SLC25A26: variants seen among roughly 807,000 people sequenced by gnomAD.
SLC25A26 encodes the protein solute carrier family 25 member 26, also known as mitochondrial S-adenosylmethionine carrier protein.
Under a neutral mutation model 37.8 loss-of-function variants are expected in SLC25A26, and 36 were observed. That is an observed-to-expected ratio of 0.95 (90% confidence interval 0.73 to 1.26). The LOEUF (loss-of-function observed/expected upper bound fraction) is 1.26. Ranked by LOEUF, SLC25A26 falls within the 50% of genes most tolerant of loss-of-function variation. SLC25A26 has a pLI of 0.00. For synonymous variants in SLC25A26, 129 were observed against 122.5 expected (o/e 1.05, Z -0.35); for missense variants, 390 against 331.1 (o/e 1.18, Z -1.38).
intron 1 of SLC25A26, among the ~76,000 whole-genome samples, chr3:66,202,631 A>T (rs1034618013): frequency 1.7e-4 from 26 of 152,030 alleles, no homozygotes; most frequent in African/African-American, 5.8e-4. Context: ...ATTACTGGAG[A>T]CACTTGTTCA....
intron 5 of SLC25A26, among the ~76,000 whole-genome samples, chr3:66,309,733 A>G: frequency 6.6e-6 from 1 of 152,018 alleles, no homozygotes; most frequent in East Asian, 1.9e-4. Context: ...CGAAGAGCTT[A>G]TTTGTTTCTG....
intron 5 of SLC25A26, among the ~76,000 whole-genome samples, chr3:66,321,897 C>T (rs2107645193): frequency 6.6e-6 from 1 of 152,122 alleles, no homozygotes; most frequent in South Asian, 2.1e-4. Context: ...ATTACCTGTT[C>T]ATTATCCTGG....
upstream of SLC25A26, among the ~76,000 whole-genome samples, chr3:66,217,551 A>G (rs1404793143): frequency 6.6e-6 from 1 of 150,750 alleles, no homozygotes; most frequent in Non-Finnish European, 1.5e-5. Context: ...ATTTACATAT[A>G]CTTTTTTTTT....
intron 1 of SLC25A26, among the ~76,000 whole-genome samples, chr3:66,181,401 A>G (rs1463744622): frequency 6.6e-6 from 1 of 152,174 alleles, no homozygotes; most frequent in Non-Finnish European, 1.5e-5. Flanking sequence ...TATATCTGCA[A>G]GATTGTTGTG....
intron 5 of SLC25A26, among the ~76,000 whole-genome samples, chr3:66,284,320 G>T (rs934443323): frequency 6.6e-6 from 1 of 152,214 alleles, no homozygotes; most frequent in South Asian, 2.1e-4. Context: ...CTGTACTCCA[G>T]TCTGGGCAAT....
upstream of SLC25A26, chr3:66,220,909 C>T (rs1576648725): frequency 1.8e-5 from 12 of 660,524 alleles, no homozygotes; most frequent in Non-Finnish European, 3.2e-5. Context: ...AGGCCCCGCC[C>T]CTCCTCTCTG....
At chr3:66,297,046 G>T (rs958016976) in intron 5 of SLC25A26, among the ~76,000 whole-genome samples, 2 of 152,120 alleles carry the variant, frequency 1.3e-5, no homozygotes, top group Non-Finnish European at 2.9e-5. Context: ...GGCATTGAGC[G>T]AGGTGCGGTG....
chr3:66,152,809 A>G (rs1251180624), intron 1 of SLC25A26, among the ~76,000 whole-genome samples: 1 of 152,164 alleles, frequency 6.6e-6, no homozygotes, highest in Non-Finnish European at 1.5e-5. Flanking sequence ...AAGTAATCCC[A>G]TCTTGTGCCT....
chr3:66,304,385 C>G, intron 5 of SLC25A26: 1 of 454,780 alleles, frequency 2.2e-6, no homozygotes, highest in South Asian at 1.6e-5. Flanking sequence ...TAATATCTTC[C>G]CTTTTCTGTT....
intron 5 of SLC25A26, among the ~76,000 whole-genome samples, chr3:66,303,493 A>G (rs2075132678): frequency 6.6e-6 from 1 of 152,230 alleles, no homozygotes; most frequent in Non-Finnish European, 1.5e-5. Flanking sequence ...AGGTAAGATT[A>G]GGCTGTAAGT....
At chr3:66,294,328 C>G (rs192821295) in intron 5 of SLC25A26, among the ~76,000 whole-genome samples, 3 of 151,912 alleles carry the variant, frequency 2.0e-5, no homozygotes, top group Admixed American at 2.0e-4. Flanking sequence ...CTTGGCTTGC[C>G]GGTGTATAGG....
At chr3:66,345,464 C>T (rs908300780) in intron 5 of SLC25A26, among the ~76,000 whole-genome samples, 2 of 151,626 alleles carry the variant, frequency 1.3e-5, no homozygotes, top group East Asian at 1.9e-4. Flanking sequence ...TTCTCTGCCC[C>T]GTCTTCTGTC....
intron 6 of SLC25A26, among the ~76,000 whole-genome samples, chr3:66,362,501 C>T (rs1017444350): frequency 7.2e-5 from 11 of 152,024 alleles, no homozygotes; most frequent in African/African-American, 2.7e-4. Context: ...GATCAGATTG[C>T]TTGGGGGATA....
At chr3:66,213,047 T>A (rs1292353766) in intron 1 of SLC25A26, among the ~76,000 whole-genome samples, 1 of 152,130 alleles carries the variant, frequency 6.6e-6, no homozygotes, top group Non-Finnish European at 1.5e-5. Context: ...CTATCCTCCC[T>A]GGATAAAAGG....
chr3:66,209,898 T>TATATAAATA (rs2071256377), intron 1 of SLC25A26, among the ~76,000 whole-genome samples: 1 of 38,608 alleles, frequency 2.6e-5, no homozygotes, highest in Admixed American at 4.4e-4. Flanking sequence ...CTCTCTCTAT[T>TATATAAATA]TATATATATA....
chr3:66,166,579 A>C (rs145384816), intron 1 of SLC25A26, among the ~76,000 whole-genome samples: 1 of 152,362 alleles, frequency 6.6e-6, no homozygotes, highest in East Asian at 1.9e-4. Flanking sequence ...TTGAGGCATT[A>C]ACAGATAATT....
chr3:66,241,937 A>G (rs936719638), intron 2 of SLC25A26, among the ~76,000 whole-genome samples: 2 of 151,960 alleles, frequency 1.3e-5, no homozygotes, highest in African/African-American at 4.8e-5. Flanking sequence ...AAGAGCCAGA[A>G]GGAACTATAG....
At chr3:66,205,006 G>C (rs2071159067) in intron 1 of SLC25A26, among the ~76,000 whole-genome samples, 1 of 152,166 alleles carries the variant, frequency 6.6e-6, no homozygotes, top group African/African-American at 2.4e-5. Flanking sequence ...CTGATTCCAT[G>C]TTTGGCTAAG....
intron 1 of SLC25A26, among the ~76,000 whole-genome samples, chr3:66,146,326 C>T (rs947816971): frequency 8.2e-5 from 12 of 147,204 alleles, no homozygotes; most frequent in East Asian, 7.9e-4. Flanking sequence ...GGTGACAGAG[C>T]GAGATTCAGT....
Sources: allele counts gnomAD v4.1 joint callset (sites outside exome capture counted in the v4.1 genomes callset), GRCh38; gene constraint gnomAD v4.1.1; transcripts MANE v1.5; gene names NCBI Gene and HGNC (gene_info 2026-07-23, HGNC 2026-07-21).